KBTBD11: variants seen among roughly 807,000 people sequenced by gnomAD.
The protein encoded by KBTBD11 is kelch repeat and BTB domain-containing protein 11.
For missense variants in KBTBD11, 1,390 were observed against 1,001.8 expected (o/e 1.39, Z -5.23); for synonymous variants, 747 against 499.0 (o/e 1.50, Z -6.63).
At chr8:1,977,766 C>T (rs923070636) in intron 1 of KBTBD11, among the ~76,000 whole-genome samples, 2 of 152,062 alleles carry the variant, frequency 1.3e-5, no homozygotes, top group African/African-American at 4.8e-5. Flanking sequence ...GAACTCCTGG[C>T]CTCAAGTGAT....
chr8:1,986,227 C>T (rs957360692), intron 1 of KBTBD11, among the ~76,000 whole-genome samples: 2 of 152,196 alleles, frequency 1.3e-5, no homozygotes. Context: ...ATTGTTCCCC[C>T]ATCACAAAGT....
At chr8:1,982,545 A>C (rs1024219017) in intron 1 of KBTBD11, among the ~76,000 whole-genome samples, 1 of 152,204 alleles carries the variant, frequency 6.6e-6, no homozygotes, top group African/African-American at 2.4e-5. Flanking sequence ...ACAGGTTGAG[A>C]GTGAAGGGAT....
intron 1 of KBTBD11, among the ~76,000 whole-genome samples, chr8:1,992,804 A>C (rs548805797): frequency 7.2e-5 from 11 of 152,138 alleles, no homozygotes; most frequent in Middle Eastern, 3.4e-3. Context: ...TCCAACATCC[A>C]GATATAACTA....
intron 1 of KBTBD11, among the ~76,000 whole-genome samples, chr8:1,980,487 A>T (rs1407902504): frequency 6.6e-6 from 1 of 152,188 alleles, no homozygotes; most frequent in Non-Finnish European, 1.5e-5. Flanking sequence ...GGCCTCCCAA[A>T]GTGCAGGGAT....
Position 2,002,326 on chromosome 8 carries a change from G to A in KBTBD11, c.1134G>A (p.Pro378=), listed in dbSNP as rs893994501. The change falls in exon 2 of 2, where the codon CCG becomes CCA. Residue 378 remains proline, a synonymous_variant. Transcript: ENST00000320248. The surrounding 1 kb of genome is among the most constrained non-coding windows in gnomAD (Gnocchi z 4.1). ...CGGGCCCCGACGGCCGCGCGCGCCC[G>A]TCCGACCAGGTCTTCTGCTACAACC... The part of the protein sequence containing the change: ...APAGPDGRAR[P]SDQVFCYNPA... 6 of 1,344,440 alleles carry A rather than the reference G, an allele frequency of 4.5e-6. No individual in the cohort carries two copies. The highest frequency in any genetic ancestry group is 1.6e-5 in the African/African-American group (1 of 62,726). 83.3% of individuals were successfully genotyped at this position (1,344,440 alleles called of 1,614,324 possible). A position where few individuals can be genotyped will look rare whatever the true frequency, so the allele number is the denominator to read the frequency against.
intron 1 of KBTBD11, among the ~76,000 whole-genome samples, chr8:1,984,665 C>T (rs1260534256): frequency 2.0e-5 from 3 of 152,112 alleles, no homozygotes; most frequent in East Asian, 1.9e-4. Flanking sequence ...AAAAAGCACA[C>T]GTGTGATAGG....
Position 2,001,907 on chromosome 8 carries a change from G to T in KBTBD11, c.715G>T (p.Val239Phe). 6.9e-7 allele frequency: 1 copy of T among 1,448,004 alleles called. No individual in the cohort carries two copies. The highest frequency in any genetic ancestry group is 9.1e-7 in the Non-Finnish European group (1 of 1,094,772). The allele number at this position is 1,448,004 out of a possible 1,614,324, so 89.7% of individuals were successfully genotyped here. A position where few individuals can be genotyped will look rare whatever the true frequency, so the allele number is the denominator to read the frequency against. Residue 239 changes from valine (V) to phenylalanine (F), a missense_variant, in exon 2 of 2, where the codon GTC (valine) becomes TTC (phenylalanine). Val to Phe is a conservative substitution (Grantham distance 50). Coordinates refer to ENST00000320248, the MANE Select transcript of KBTBD11 (RefSeq NM_014867.3). ...GCTGAGCCTGGCCAACTGCTACGAG[G>T]TCCTGAGCGCGGCCAAGCGGCAGCG... is the stretch of plus-strand genomic sequence containing the variant. ...PQLSLANCYEVLSAAKRQRLN... is the reference protein window; with the variant it reads ...PQLSLANCYEFLSAAKRQRLN...
rs184731780 is a variant in KBTBD11, at chr8:1,999,619, T to G, written c.-908-666T>G. Among the ~76,000 whole-genome samples, 202 of 152,378 alleles carry G rather than the reference T, an allele frequency of 1.3e-3. 1 individual carries two copies. The highest frequency in any genetic ancestry group is 6.8e-3 in the Middle Eastern group (2 of 294). ...TCATTCAGTCTTTTCGCTTTGATTT[T>G]CCTTTTGCTGCATTTAGGCTGTTTG... On this transcript the variant is annotated intron_variant, in intron 1 of 1. Coordinates refer to ENST00000320248, the MANE Select transcript of KBTBD11 (RefSeq NM_014867.3).
At chr8:1,976,494 T>C (rs1816348971) in intron 1 of KBTBD11, 1 of 152,222 alleles carries the variant, frequency 6.6e-6, no homozygotes, top group Admixed American at 6.5e-5. Flanking sequence ...GCATGTCTTA[T>C]GTGCATTTTG....
intron 1 of KBTBD11, among the ~76,000 whole-genome samples, chr8:1,993,391 GTCCATCCATCCA>G (rs1204845271): frequency 7.1e-5 from 7 of 97,956 alleles, no homozygotes; most frequent in Non-Finnish European, 1.3e-4. Flanking sequence ...CCGTCCGTCC[GTCCATCCATCCA>G]TCCATCCATC....
chr8:2,002,492 C>G lies in KBTBD11; in HGVS notation c.1300C>G (p.Arg434Gly), dbSNP rs1325700187. ...GGAGCGCTACGACCCGCGCGCCGACCGCTGGGCCCCCGTGGCGCCGCTGCC... is the reference window on the plus strand; with the variant it reads ...GGAGCGCTACGACCCGCGCGCCGACGGCTGGGCCCCCGTGGCGCCGCTGCC... ...SVERYDPRAD[R>G]WAPVAPLPRG... Residue 434 changes from arginine to glycine, a missense_variant, in exon 2 of 2, where the codon CGC becomes GGC. Transcript: ENST00000320248. The surrounding 1 kb of genome is among the most constrained non-coding windows in gnomAD (Gnocchi z 4.1). 1.3e-6 allele frequency: 2 copies of G among 1,509,100 alleles called. No individual in the cohort carries two copies. Among genetic ancestry groups the G allele is most frequent in the Non-Finnish European group, 1.8e-6 (2 of 1,138,066 alleles). 93.5% of individuals were successfully genotyped at this position (1,509,100 alleles called of 1,614,324 possible).
Position 1,973,840 on chromosome 8 carries a change from C to T in KBTBD11, c.-1004C>T, listed in dbSNP as rs1232190576. 3.6e-5 allele frequency: 35 copies of T among 982,780 alleles called. No homozygotes were observed. Among genetic ancestry groups the T allele is most frequent in the Non-Finnish European group, 4.0e-5 (33 of 829,012 alleles). The allele number at this position is 982,780 out of a possible 1,614,324, so 60.9% of individuals were successfully genotyped here. A position where few individuals can be genotyped will look rare whatever the true frequency, so the allele number is the denominator to read the frequency against. On this transcript the variant is annotated 5_prime_UTR_variant, in exon 1 of 2. Coordinates refer to ENST00000320248, the MANE Select transcript of KBTBD11 (RefSeq NM_014867.3). ...TGCTCGGAGAGGCCGGGCCGCGGCT[C>T]CCACAGGTGCCGGGAAGCGGCCGCG...
rs182304171 is a variant in KBTBD11 at position 1,986,240 on chromosome 8, G to C, written c.-909+12305G>C. 2.0e-5 allele frequency among the ~76,000 whole-genome samples: 3 copies of C among 152,310 alleles called. No individual in the cohort carries two copies. In the East Asian group the frequency reaches 5.8e-4, roughly 29 times the overall value. ...TCATTGTTCCCCCATCACAAAGTCT[G>C]AGTGGCAAGTACAAGCTGAATATCC... is the stretch of plus-strand genomic sequence containing the variant. On this transcript the variant is annotated intron_variant, in intron 1 of 1. Coordinates refer to ENST00000320248, the MANE Select transcript of KBTBD11 (RefSeq NM_014867.3).
At chr8:1,977,168 C>T (rs934013735) in intron 1 of KBTBD11, among the ~76,000 whole-genome samples, 5 of 151,886 alleles carry the variant, frequency 3.3e-5, no homozygotes, top group East Asian at 3.9e-4. Context: ...GTGTGGCCCA[C>T]GGAAGCCAAA....
At chr8:1,982,471 TA>T (rs971215764) in intron 1 of KBTBD11, among the ~76,000 whole-genome samples, 2 of 147,252 alleles carry the variant, frequency 1.4e-5, no homozygotes, top group African/African-American at 4.9e-5. Flanking sequence ...ATGAATGGGT[TA>T]AAAAAACATA....
intron 1 of KBTBD11, among the ~76,000 whole-genome samples, chr8:1,978,806 A>C (rs1816439650): frequency 6.7e-6 from 1 of 150,238 alleles, no homozygotes; most frequent in Non-Finnish European, 1.5e-5. Flanking sequence ...CCACATAAAA[A>C]AGGCTACGGC....
In KBTBD11 at chr8:2,002,057, C is replaced by T. The variant is rs1475051154; in HGVS notation, c.865C>T (p.Leu289=). 8.5e-6 allele frequency: 10 copies of T among 1,174,116 alleles called. No individual in the cohort carries two copies. The highest frequency in any genetic ancestry group is 1.1e-5 in the Non-Finnish European group (10 of 951,922). 72.7% of individuals were successfully genotyped at this position (1,174,116 alleles called of 1,614,324 possible). The change falls in exon 2 of 2, where the codon CTG becomes TTG. Residue 289 remains leucine, a synonymous_variant. Transcript: ENST00000320248. This position sits in a 1 kb window ranked among gnomAD's most constrained non-coding sequence, Gnocchi z 4.1. ...AERDLLLRRR[L]RAGRAHLLAA... is the part of the protein sequence containing the mutation. ...GCGGGACCTGCTGCTGCGCCGCCGC[C>T]TGCGCGCCGGCCGCGCCCACCTCTT...
intron 1 of KBTBD11, among the ~76,000 whole-genome samples, chr8:1,983,014 G>T (rs1816591245): frequency 6.6e-6 from 1 of 152,116 alleles, no homozygotes; most frequent in Non-Finnish European, 1.5e-5. Flanking sequence ...GCATGAGCCA[G>T]GTGGGCTCTT....
intron 1 of KBTBD11, among the ~76,000 whole-genome samples, chr8:1,995,937 A>G (rs1035962815): frequency 1.3e-5 from 2 of 152,042 alleles, no homozygotes; most frequent in African/African-American, 4.8e-5. Flanking sequence ...AGGTGGGAGG[A>G]TCTCTTGAGC....
Sources: allele counts gnomAD v4.1 joint callset (sites outside exome capture counted in the v4.1 genomes callset), GRCh38; gene constraint gnomAD v4.1.1; non-coding constraint Gnocchi (gnomAD v3.1); transcripts MANE v1.5; gene names NCBI Gene and HGNC (gene_info 2026-07-23, HGNC 2026-07-21).